The following DCK variants were observed in gnomAD, a reference collection of about 807,000 sequenced individuals.
DCK encodes deoxycytidine kinase, also known as deoxyadenosine kinase.
A neutral mutation model predicts 38.3 loss-of-function variants in DCK; 23 were observed. That is an observed-to-expected ratio of 0.60 (90% CI 0.43 to 0.85). The LOEUF is 0.85. Among genes scored for constraint, DCK ranks in the 40% least tolerant of loss-of-function variants. DCK has a pLI of 0.00. For missense variants in DCK, 259 were observed against 304.4 expected (o/e 0.85, Z 1.11); for synonymous variants, 108 against 100.6 (o/e 1.07, Z -0.44).
At chr4:71,016,602 C>T (rs1740269032) in intron 2 of DCK, among the ~76,000 whole-genome samples, 1 of 152,296 alleles carries the variant, frequency 6.6e-6, no homozygotes, top group Admixed American at 6.5e-5. Context: ...ACCAATGGAA[C>T]AGACCAGAGC....
chr4:71,021,221 G>T (rs565290602), intron 2 of DCK, among the ~76,000 whole-genome samples: 36 of 151,504 alleles, frequency 2.4e-4, no homozygotes, highest in African/African-American at 8.7e-4. Context: ...GACTACAGGC[G>T]CCCGCCACCG....
intron 2 of DCK, among the ~76,000 whole-genome samples, chr4:71,003,343 C>T (rs1321181192): frequency 6.6e-6 from 1 of 152,214 alleles, no homozygotes; most frequent in Non-Finnish European, 1.5e-5. Flanking sequence ...GTCTGATGGG[C>T]TTCCCTTTGT....
intron 2 of DCK, among the ~76,000 whole-genome samples, chr4:71,019,376 TTTAG>T (rs1360450238): frequency 1.3e-5 from 2 of 152,228 alleles, no homozygotes; most frequent in East Asian, 1.9e-4. Context: ...TGTGGTCTTT[TTTAG>T]TTAATTTTTT....
intron 1 of DCK, among the ~76,000 whole-genome samples, chr4:70,995,422 A>T (rs1185089436): frequency 1.3e-5 from 2 of 152,172 alleles, no homozygotes; most frequent in African/African-American, 4.8e-5. Context: ...ACTCATCTCC[A>T]CAAAAAAATT....
chr4:71,022,458 C>A lies in DCK; in HGVS notation c.299C>A (p.Ala100Asp). Residue 100 changes from alanine to aspartate, a missense_variant, in exon 3 of 7, where the codon GCC becomes GAC. Transcript: ENST00000286648. The stretch of plus-strand genomic sequence containing the variant: ...TGGTCTTTTACCTTCCAAACATATG[C>A]CTGTCTCAGTCGAATAAGAGCTCAG... ...ERWSFTFQTY[A>D]CLSRIRAQLA... The A allele has an allele frequency of 6.2e-7, 1 of 1,610,358 alleles. No homozygotes were observed. Among genetic ancestry groups the A allele is most frequent in the Non-Finnish European group, 8.5e-7 (1 of 1,178,242 alleles).
chr4:71,029,267 T>A (rs976216211), intron 6 of DCK, 85 bp from the exon 7 acceptor site: 16 of 866,402 alleles, frequency 1.8e-5, no homozygotes, highest in Non-Finnish European at 2.6e-5. Context: ...TCTTCAACTA[T>A]TATATACTTT....
Position 71,023,669 on chromosome 4 carries a change from A to G in DCK, c.512A>G (p.Glu171Gly), listed in dbSNP as rs774572004. Reference protein sequence around the residue: ...WMNNQFGQSLELDGIIYLQAT... With the variant: ...WMNNQFGQSLGLDGIIYLQAT... ...AATAACCAATTTGGCCAAAGCCTTG[A>G]ATTGGATGGAATCATTTATCTTCAA... Residue 171 changes from glutamate (E) to glycine (G), a missense_variant, in exon 4 of 7, where the codon GAA becomes GGA. By Grantham distance (98) the Glu-to-Gly change is moderately conservative (BLOSUM62 -2). This residue lies in a region of DCK where 82 missense variants were observed against 103.8 expected (regional missense o/e 0.79). Transcript: ENST00000286648. The G allele has an allele frequency of 3.7e-5, 60 of 1,612,924 alleles. No individual in the cohort carries two copies. The highest frequency in any genetic ancestry group is 5.1e-5 in the Non-Finnish European group (60 of 1,179,580).
chr4:71,017,572 A>T (rs963623507), intron 2 of DCK, among the ~76,000 whole-genome samples: 3 of 152,280 alleles, frequency 2.0e-5, no homozygotes, highest in Non-Finnish European at 4.4e-5. Flanking sequence ...AATGTGGCAC[A>T]TATACACCAT....
rs1213822720 is a variant in DCK at position 71,007,883 on chromosome 4, G to A, written c.207+9701G>A. 2.0e-5 allele frequency among the ~76,000 whole-genome samples: 3 copies of A among 152,054 alleles called. No homozygotes were observed. In the East Asian group the frequency reaches 5.8e-4, roughly 29 times the overall value. ...AGGCCACCACGCCTGTGTGCCACCA[G>A]GCTTGGCTAATTTTTGTATTTTTTA... is the stretch of plus-strand genomic sequence containing the variant. On this transcript the variant is annotated intron_variant, in intron 2 of 6. Coordinates refer to ENST00000286648, the MANE Select transcript of DCK (RefSeq NM_000788.3).
chr4:71,025,840 C>A lies in DCK; in HGVS notation c.574C>A (p.Arg192=). ...GACATGCTTACATAGAATATATTTA[C>A]GGGGAAGAAATGAAGAGCAAGGCAT... ...PETCLHRIYL[R]GRNEEQGIPL... Residue 192 remains arginine, a synonymous_variant, in exon 5 of 7, where the codon CGG becomes AGG. Transcript: ENST00000286648. 6.2e-7 allele frequency: 1 copy of A among 1,608,948 alleles called. No homozygotes were observed. Among genetic ancestry groups the A allele is most frequent in the Non-Finnish European group, 8.5e-7 (1 of 1,177,870 alleles).
chr4:71,023,905 T>C (rs546891172), intron 4 of DCK, among the ~76,000 whole-genome samples, 199 bp downstream of exon 4: 2 of 152,306 alleles, frequency 1.3e-5, no homozygotes, highest in South Asian at 2.1e-4. Flanking sequence ...ACTGGGCAAG[T>C]TGCTGTTTTA....
In DCK at chr4:71,022,493, C is replaced by T. The variant is rs556547813; in HGVS notation, c.334C>T (p.Leu112=). ...LSRIRAQLAS[L]NGKLKDAEKP... ...TCGAATAAGAGCTCAGCTTGCCTCT[C>T]TGAATGGCAAGCTCAAAGATGCAGA... The change falls in exon 3 of 7, where the codon CTG becomes TTG. Residue 112 remains leucine (L), a synonymous_variant. Coordinates refer to ENST00000286648, the MANE Select transcript of DCK (RefSeq NM_000788.3). 1.9e-6 allele frequency: 3 copies of T among 1,607,866 alleles called. No individual in the cohort carries two copies. Among genetic ancestry groups the T allele is most frequent in the East Asian group, 4.5e-5 (2 of 44,640 alleles).
At chr4:71,004,387 G>A (rs1739886926) in intron 2 of DCK, among the ~76,000 whole-genome samples, 1 of 152,220 alleles carries the variant, frequency 6.6e-6, no homozygotes, top group East Asian at 1.9e-4. Flanking sequence ...TATATGAGGT[G>A]TCTGCCGACC....
At chr4:71,013,474 G>A (rs1239171932) in intron 2 of DCK, among the ~76,000 whole-genome samples, 1 of 152,164 alleles carries the variant, frequency 6.6e-6, no homozygotes, top group South Asian at 2.1e-4. Context: ...CACCAAAGTT[G>A]AAATGAAGGG....
intron 2 of DCK, among the ~76,000 whole-genome samples, chr4:71,021,010 A>G (rs1156944863): frequency 6.6e-6 from 1 of 151,988 alleles, no homozygotes; most frequent in Non-Finnish European, 1.5e-5. Flanking sequence ...TGATGGACAG[A>G]ACTAGGAAAA....
intron 2 of DCK, among the ~76,000 whole-genome samples, chr4:71,012,927 G>A (rs1428546690): frequency 6.6e-6 from 1 of 152,222 alleles, no homozygotes. Flanking sequence ...TGACTTTGAC[G>A]AATTGAGAGA....
At chr4:71,013,492 T>C (rs1740158279) in intron 2 of DCK, among the ~76,000 whole-genome samples, 1 of 152,172 alleles carries the variant, frequency 6.6e-6, no homozygotes, top group Non-Finnish European at 1.5e-5. Flanking sequence ...GGGAAAAATG[T>C]TAATGGCAGC....
chr4:71,025,761 G>A, intron 4 of DCK, 55 bp from the exon 5 acceptor site: 1 of 1,521,534 alleles, frequency 6.6e-7, no homozygotes, highest in Non-Finnish European at 8.8e-7. Flanking sequence ...GATGGCAGCA[G>A]ACAAGAATAA....
chr4:71,012,563 C>A (rs1229018719), intron 2 of DCK, among the ~76,000 whole-genome samples: 1 of 152,210 alleles, frequency 6.6e-6, no homozygotes, highest in Non-Finnish European at 1.5e-5. Context: ...CCCTCTGAGA[C>A]GAAGCTTCCA....
Sources: allele counts gnomAD v4.1 joint callset (sites outside exome capture counted in the v4.1 genomes callset), GRCh38; gene constraint gnomAD v4.1.1; regional missense constraint gnomAD v4.1.1; transcripts MANE v1.5; gene names NCBI Gene and HGNC (gene_info 2026-07-23, HGNC 2026-07-21).